Variants in TMEM163 observed in about 807,000 individuals in gnomAD.
TMEM163 encodes transmembrane protein 163.
TMEM163 carries 17 observed loss-of-function variants against 29.3 expected under a neutral mutation model. The ratio of observed to expected loss-of-function variants is 0.58; its 90% confidence interval spans 0.40 to 0.87. The LOEUF is 0.87. Among genes scored for constraint, TMEM163 ranks in the 40% least tolerant of loss-of-function variants. TMEM163 has a pLI of 0.00. For synonymous variants in TMEM163, 157 were observed against 160.6 expected, an observed-to-expected ratio of 0.98 and a Z score of 0.17; for missense variants, 303 against 381.5, an observed-to-expected ratio of 0.79 and a Z score of 1.71.
At chr2:134,693,857 C>G (rs1246907809) in intron 2 of TMEM163, among the ~76,000 whole-genome samples, 1 of 152,114 alleles carries the variant, frequency 6.6e-6, no homozygotes, top group African/African-American at 2.4e-5. Context: ...TGAGGAACAG[C>G]TGAAGAGTCT....
At chr2:134,714,062 C>T (rs2104901817) in intron 1 of TMEM163, among the ~76,000 whole-genome samples, 1 of 152,306 alleles carries the variant, frequency 6.6e-6, no homozygotes, top group South Asian at 2.1e-4. Flanking sequence ...TTTTTATCTC[C>T]TATGCTTTCA....
intron 5 of TMEM163, chr2:134,467,871 A>C (rs1434555130): frequency 2.6e-5 from 4 of 152,234 alleles, no homozygotes; most frequent in Non-Finnish European, 4.4e-5. Flanking sequence ...AAACTCTTCT[A>C]TTAATCTAAA....
At chr2:134,604,263 C>T (rs975741679) in intron 2 of TMEM163, among the ~76,000 whole-genome samples, 8 of 152,076 alleles carry the variant, frequency 5.3e-5, no homozygotes, top group East Asian at 1.9e-4. Context: ...CTGGGGATGC[C>T]GAATGTCCAT....
intron 4 of TMEM163, among the ~76,000 whole-genome samples, chr2:134,537,951 G>T (rs1680577443): frequency 6.6e-6 from 1 of 152,206 alleles, no homozygotes; most frequent in Admixed American, 6.5e-5. Context: ...GAACCAAAAA[G>T]ACAGATGATA....
At chr2:134,523,250 G>T (rs1680225046) in intron 4 of TMEM163, among the ~76,000 whole-genome samples, 1 of 152,122 alleles carries the variant, frequency 6.6e-6, no homozygotes, top group South Asian at 2.1e-4. Flanking sequence ...GCAGGTGGGG[G>T]TCGGAGCGTC....
At chr2:134,587,820 C>A (rs1430991527) in intron 2 of TMEM163, among the ~76,000 whole-genome samples, 1 of 152,200 alleles carries the variant, frequency 6.6e-6, no homozygotes, top group Admixed American at 6.5e-5. Context: ...AAACAAATAA[C>A]AAGAAGGGAT....
chr2:134,635,361 T>C (rs1476221305), intron 2 of TMEM163, among the ~76,000 whole-genome samples: 1 of 152,086 alleles, frequency 6.6e-6, no homozygotes, highest in Non-Finnish European at 1.5e-5. Flanking sequence ...AACTCCAAAA[T>C]TGCCCCCTTA....
At chr2:134,613,531 T>C (rs1055128823) in intron 2 of TMEM163, among the ~76,000 whole-genome samples, 13 of 152,116 alleles carry the variant, frequency 8.5e-5, no homozygotes, top group Admixed American at 3.9e-4. Flanking sequence ...TCATCACATA[T>C]AGTGGGACAA....
At chr2:134,606,609 G>C (rs1454198568) in intron 2 of TMEM163, among the ~76,000 whole-genome samples, 2 of 152,194 alleles carry the variant, frequency 1.3e-5, no homozygotes, top group African/African-American at 4.8e-5. Context: ...CGCGAAGACA[G>C]GGGCTGTGCC....
rs540862200 is a variant in TMEM163 at position 134,508,621 on chromosome 2, G to A, written c.459-5624C>T. On this transcript the variant is annotated intron_variant, in intron 4 of 7. Coordinates refer to ENST00000281924, the MANE Select transcript of TMEM163 (RefSeq NM_030923.5). Reference sequence around the variant, plus strand: ...TTGTCTATCATGCAGAAGCCAAACCGGCACCATCTGGTTAAGACTCCACCC... The same window carrying A: ...TTGTCTATCATGCAGAAGCCAAACCAGCACCATCTGGTTAAGACTCCACCC... 5.3e-5 allele frequency among the ~76,000 whole-genome samples: 8 copies of A among 152,174 alleles called. No homozygotes were observed. In the South Asian group the frequency reaches 1.0e-3, roughly 20 times the overall value.
intron 4 of TMEM163, among the ~76,000 whole-genome samples, chr2:134,505,261 T>TTTA (rs1574187004): frequency 7.2e-6 from 1 of 139,592 alleles, no homozygotes; most frequent in African/African-American, 2.8e-5. Flanking sequence ...TTTTTTTTTT[T>TTTA]AAAGTTTCCT....
At chr2:134,701,916 C>CAA (rs71301801) in intron 2 of TMEM163, among the ~76,000 whole-genome samples, 2,197 of 66,246 alleles carry the variant, frequency 0.033, 120 homozygotes, top group African/African-American at 0.094. Flanking sequence ...AAAACTGTCT[C>CAA]AAAAAAAAAA....
chr2:134,519,724 A>C (rs1437469235), intron 4 of TMEM163, among the ~76,000 whole-genome samples: 1 of 146,576 alleles, frequency 6.8e-6, no homozygotes, highest in East Asian at 2.0e-4. Flanking sequence ...AAATTTAAAG[A>C]AAAAAAAAAT....
Position 134,535,582 on chromosome 2 carries a change from C to T in TMEM163, c.458+14988G>A, listed in dbSNP as rs536043985. On this transcript the variant is annotated intron_variant, in intron 4 of 7. Transcript: ENST00000281924. ...CAAAGGGCATAAAGTTTCAATTATA[C>T]GAGACGAATAAGTTCTGGAGACCTG... 8.5e-5 allele frequency among the ~76,000 whole-genome samples: 13 copies of T among 152,194 alleles called. No homozygotes were observed. The East Asian group carries it at 1.9e-3, about 23-fold the overall frequency.
intron 5 of TMEM163, among the ~76,000 whole-genome samples, chr2:134,480,189 C>T (rs1687016774): frequency 6.6e-6 from 1 of 152,200 alleles, no homozygotes; most frequent in Non-Finnish European, 1.5e-5. Flanking sequence ...CTGCCCTCAC[C>T]TCCTAACACT....
intron 4 of TMEM163, 68 bp from the exon 5 acceptor site, chr2:134,503,065 G>C: frequency 2.8e-6 from 4 of 1,431,046 alleles, no homozygotes; most frequent in Non-Finnish European, 3.9e-6. Context: ...CCACACAATT[G>C]ACAGTGACAA....
intron 2 of TMEM163, among the ~76,000 whole-genome samples, chr2:134,641,095 T>C (rs1180938367): frequency 2.0e-5 from 3 of 152,158 alleles, no homozygotes; most frequent in Non-Finnish European, 1.5e-5. Flanking sequence ...AAATTGCCCA[T>C]GAATACAAAA....
chr2:134,669,936 T>A (rs1683954499), intron 2 of TMEM163, among the ~76,000 whole-genome samples: 1 of 152,136 alleles, frequency 6.6e-6, no homozygotes, highest in Non-Finnish European at 1.5e-5. Flanking sequence ...AAGAAGCCTG[T>A]GAGATGACCC....
intron 2 of TMEM163, among the ~76,000 whole-genome samples, chr2:134,605,844 G>A (rs1558961829): frequency 2.0e-5 from 3 of 152,294 alleles, no homozygotes; most frequent in East Asian, 1.9e-4. Flanking sequence ...AATGTATTGT[G>A]TAAGTGACAA....
Sources: allele counts gnomAD v4.1 joint callset (sites outside exome capture counted in the v4.1 genomes callset), GRCh38; gene constraint gnomAD v4.1.1; transcripts MANE v1.5; gene names NCBI Gene and HGNC (gene_info 2026-07-23, HGNC 2026-07-21).